The following SFMBT1 variants were observed in gnomAD, a reference collection of about 807,000 sequenced individuals.
SFMBT1 encodes scm-like with four MBT domains protein 1.
SFMBT1 carries 32 observed loss-of-function variants against 108.7 expected under a neutral mutation model. The observed-to-expected ratio is 0.29, with a 90% CI of 0.22 to 0.40. The LOEUF (loss-of-function observed/expected upper bound fraction) is 0.40, where lower values mean the gene tolerates loss of function less well. Ranked by LOEUF, SFMBT1 falls within the 10% of genes least tolerant of loss-of-function variation. The pLI is 1.00. For missense variants in SFMBT1, 816 were observed against 1,059.6 expected (o/e 0.77, Z 3.19); for synonymous variants, 348 against 369.5 (o/e 0.94, Z 0.67).
At chr3:52,956,748 G>A (rs1037620866) in intron 2 of SFMBT1, among the ~76,000 whole-genome samples, 1 of 152,078 alleles carries the variant, frequency 6.6e-6, no homozygotes, top group Non-Finnish European at 1.5e-5. Context: ...GCGACAGAGC[G>A]AGATTCCATC....
intron 1 of SFMBT1, among the ~76,000 whole-genome samples, chr3:52,982,287 A>G (rs1401039789): frequency 2.0e-5 from 3 of 152,226 alleles, no homozygotes; most frequent in African/African-American, 4.8e-5. Flanking sequence ...AAGTCCTGAA[A>G]GCCATCAAGC....
chr3:53,028,521 G>T (rs1699571921), intron 1 of SFMBT1, among the ~76,000 whole-genome samples: 1 of 152,118 alleles, frequency 6.6e-6, no homozygotes, highest in South Asian at 2.1e-4. Flanking sequence ...CTACTTACTA[G>T]CTGGGCATGG....
chr3:52,947,689 T>C (rs1268706290), intron 3 of SFMBT1, among the ~76,000 whole-genome samples: 2 of 152,098 alleles, frequency 1.3e-5, no homozygotes, highest in African/African-American at 4.8e-5. Context: ...TAGTCTAATT[T>C]ATCAATATTT....
At chr3:52,916,829 G>A (rs1337006406) in intron 13 of SFMBT1, among the ~76,000 whole-genome samples, 1 of 151,990 alleles carries the variant, frequency 6.6e-6, no homozygotes, top group Non-Finnish European at 1.5e-5. Flanking sequence ...TTCATTCACT[G>A]GGCAAAAAAA....
chr3:52,966,441 C>G (rs1378600917), intron 2 of SFMBT1, among the ~76,000 whole-genome samples: 4 of 146,652 alleles, frequency 2.7e-5, no homozygotes, highest in Admixed American at 2.1e-4. Context: ...CTGGCTAACA[C>G]AGTGAAACCC....
chr3:52,921,667 A>G (rs112593554), intron 11 of SFMBT1, 38 bp downstream of exon 11: 1 of 1,603,838 alleles, frequency 6.2e-7, no homozygotes, highest in East Asian at 2.2e-5. Context: ...CTCAAAGGAG[A>G]GTGGCCACAG....
intron 1 of SFMBT1, among the ~76,000 whole-genome samples, chr3:53,023,573 C>G (rs146560075): frequency 0.011 from 1,717 of 152,252 alleles, 13 homozygotes; most frequent in Non-Finnish European, 0.016. Context: ...CCACATCTAC[C>G]CTTCCAGACT....
chr3:52,944,938 A>C (rs1216825034), intron 3 of SFMBT1, among the ~76,000 whole-genome samples: 1 of 151,610 alleles, frequency 6.6e-6, no homozygotes, highest in African/African-American at 2.4e-5. Flanking sequence ...TGAGTAGCTG[A>C]GACCCCAGAT....
intron 1 of SFMBT1, among the ~76,000 whole-genome samples, chr3:53,031,977 G>A (rs1699702379): frequency 6.6e-6 from 1 of 152,184 alleles, no homozygotes; most frequent in African/African-American, 2.4e-5. Flanking sequence ...AAAATCAATG[G>A]TGAGAAAAAA....
At chr3:52,932,653 G>C (rs980885808) in intron 5 of SFMBT1, among the ~76,000 whole-genome samples, 1 of 152,150 alleles carries the variant, frequency 6.6e-6, no homozygotes, top group East Asian at 1.9e-4. Flanking sequence ...GCTCACACCT[G>C]TAATCCCAGT....
At chr3:52,969,316 C>A in intron 1 of SFMBT1, 58 bp from the exon 2 acceptor site, 1 of 1,438,204 alleles carries the variant, frequency 7.0e-7, no homozygotes, top group South Asian at 1.5e-5. Flanking sequence ...CTCACTCACT[C>A]ATCAAACAGG....
rs761176187 is a variant in SFMBT1 at position 52,916,247 on chromosome 3, T to C, written c.1416-33A>G. On this transcript the variant is annotated intron_variant, in intron 13 of 20. Coordinates refer to ENST00000394752, the MANE Select transcript of SFMBT1 (RefSeq NM_016329.4). The stretch of plus-strand genomic sequence containing the variant: ...AAGAAAACACAGTAAAATAGTGAGA[T>C]AATTCTTAAGATCAGTAAAGTGTGA... 7.5e-6 allele frequency: 12 copies of C among 1,591,656 alleles called. No homozygotes were observed. In the South Asian group the frequency reaches 1.3e-4, roughly 18 times the overall value.
intron 3 of SFMBT1, among the ~76,000 whole-genome samples, chr3:52,944,291 T>C (rs1703285032): frequency 6.6e-6 from 1 of 152,168 alleles, no homozygotes; most frequent in Non-Finnish European, 1.5e-5. Context: ...GGTGTTGGAC[T>C]GGAATCAGAT....
rs1553636680 is a variant in SFMBT1, at chr3:52,945,139, A to AAAAAACAAAAACAACAACAAC, written c.124-1547_124-1546insGTTGTTGTTGTTTTTGTTTTT. On this transcript the variant is annotated intron_variant, in intron 3 of 20. Coordinates refer to ENST00000394752, the MANE Select transcript of SFMBT1 (RefSeq NM_016329.4). The stretch of plus-strand genomic sequence containing the variant: ...TTTCCAAATACCACCTTCCAATTAA[A>AAAAAACAAAAACAACAACAAC]AAAAAAAAAAAACAAGGACTTCAGG... 1.4e-3 allele frequency among the ~76,000 whole-genome samples: 200 copies of AAAAAACAAAAACAACAACAAC among 146,160 alleles called. 20 individuals carry two copies. Among genetic ancestry groups the AAAAAACAAAAACAACAACAAC allele is most frequent in the African/African-American group, 4.9e-3 (198 of 40,218 alleles).
At chr3:53,035,911 T>C (rs1057372989) in intron 1 of SFMBT1, among the ~76,000 whole-genome samples, 1 of 152,236 alleles carries the variant, frequency 6.6e-6, no homozygotes, top group African/African-American at 2.4e-5. Context: ...AAGTAAATTT[T>C]GAAAGGAGCC....
chr3:52,979,942 T>G lies in SFMBT1; in HGVS notation c.-130-10684A>C, dbSNP rs1312405247. ...TTAACTACATGGGTCCACTTACAGA[T>G]TTTTAAAAATAACTATCTTGGAAAA... On this transcript the variant is annotated intron_variant, in intron 1 of 20. Coordinates refer to ENST00000394752, the MANE Select transcript of SFMBT1 (RefSeq NM_016329.4). Among the ~76,000 whole-genome samples, 3 of 152,168 alleles carry G rather than the reference T, an allele frequency of 2.0e-5. No individual in the cohort carries two copies. The East Asian group carries it at 5.8e-4, about 29-fold the overall frequency.
At chr3:52,952,286 G>C (rs1703622781) in intron 3 of SFMBT1, among the ~76,000 whole-genome samples, 1 of 152,174 alleles carries the variant, frequency 6.6e-6, no homozygotes, top group Non-Finnish European at 1.5e-5. Context: ...GGACTCTTTA[G>C]CATATAAAGA....
At chr3:52,911,500 C>A (rs1264686676) in intron 16 of SFMBT1, among the ~76,000 whole-genome samples, 5 of 152,200 alleles carry the variant, frequency 3.3e-5, no homozygotes, top group African/African-American at 9.6e-5. Context: ...CTAAGTCTTT[C>A]TTTACCCTTG....
At chr3:53,045,278 G>C (rs1700187260) in intron 1 of SFMBT1, 1 of 147,434 alleles carries the variant, frequency 6.8e-6, no homozygotes, top group Non-Finnish European at 1.5e-5. Flanking sequence ...CCGAAGTTCC[G>C]ACCGGCCGCG....
Sources: allele counts gnomAD v4.1 joint callset (sites outside exome capture counted in the v4.1 genomes callset), GRCh38; gene constraint gnomAD v4.1.1; transcripts MANE v1.5; gene names NCBI Gene and HGNC (gene_info 2026-07-23, HGNC 2026-07-21).